NVL: variants seen among roughly 807,000 people sequenced by gnomAD.
NVL encodes the protein nuclear VCP like.
A neutral mutation model predicts 110.2 loss-of-function variants in NVL; 84 were observed. The ratio of observed to expected loss-of-function variants is 0.76; its 90% CI spans 0.64 to 0.91. The LOEUF is 0.91. Among genes scored for constraint, NVL ranks in the 40% least tolerant of loss-of-function variants. NVL has a pLI of 0.00. For missense variants in NVL, 882 were observed against 1,035.9 expected (o/e 0.85, Z 2.04); for synonymous variants, 354 against 361.1 (o/e 0.98, Z 0.22).
intron 6 of NVL, among the ~76,000 whole-genome samples, chr1:224,305,652 G>C (rs992244262): frequency 6.6e-6 from 1 of 152,174 alleles, no homozygotes; most frequent in Non-Finnish European, 1.5e-5. Context: ...CCACCTCCTA[G>C]GTTCAAACAA....
intron 18 of NVL, among the ~76,000 whole-genome samples, chr1:224,255,563 T>A (rs954411021): frequency 6.6e-6 from 1 of 152,174 alleles, no homozygotes; most frequent in African/African-American, 2.4e-5. Flanking sequence ...CTGTGGTTTA[T>A]CTTTATATTC....
chr1:224,284,364 C>T (rs1456938538), intron 15 of NVL, among the ~76,000 whole-genome samples: 1 of 151,402 alleles, frequency 6.6e-6, no homozygotes, highest in East Asian at 1.9e-4. Context: ...AATAAACATA[C>T]TTAAATAAAA....
intron 17 of NVL, chr1:224,269,747 C>CTTTT (rs1011066172): frequency 2.0e-5 from 3 of 148,812 alleles, no homozygotes; most frequent in South Asian, 4.4e-4. Flanking sequence ...TTCTTTCTTT[C>CTTTT]TTTTTTCTTT....
intron 2 of NVL, among the ~76,000 whole-genome samples, chr1:224,324,751 T>G (rs1670977345): frequency 6.6e-6 from 1 of 151,944 alleles, no homozygotes; most frequent in African/African-American, 2.4e-5. Context: ...GAGATGAGAG[T>G]TTGGACTTAA....
chr1:224,308,690 C>CAAAAA (rs544159510), intron 5 of NVL, among the ~76,000 whole-genome samples: 2 of 61,892 alleles, frequency 3.2e-5, no homozygotes, highest in Non-Finnish European at 6.9e-5. Context: ...GACTCCATCT[C>CAAAAA]AAAAAAAAAA....
intron 2 of NVL, among the ~76,000 whole-genome samples, chr1:224,325,428 T>A (rs1671052696): frequency 6.8e-6 from 1 of 146,686 alleles, no homozygotes; most frequent in Non-Finnish European, 1.5e-5. Flanking sequence ...AAATAAAAAC[T>A]GTATTTAAAA....
At chr1:224,321,011 G>A (rs917193522) in intron 2 of NVL, among the ~76,000 whole-genome samples, 5 of 152,178 alleles carry the variant, frequency 3.3e-5, no homozygotes, top group South Asian at 2.1e-4. Flanking sequence ...TAGCACTTTA[G>A]GAGGCTGAGG....
At position 224,311,741 on chromosome 1, in the gene NVL, G is replaced by C. The variant is rs367543736; in HGVS notation, c.342+59C>G. 6.3e-5 allele frequency: 81 copies of C among 1,290,048 alleles called. No individual in the cohort carries two copies. The African/African-American group carries it at 8.5e-4, about 14-fold the overall frequency. 79.9% of individuals were successfully genotyped at this position (1,290,048 alleles called of 1,614,324 possible). On this transcript the variant is annotated intron_variant, in intron 5 of 22. Transcript: ENST00000281701. ...AGCTAATACTGAGTTTTTCAAGGGAGGTACCATAACAACTAAAAAAGAAAA... is the reference window on the plus strand; with the variant it reads ...AGCTAATACTGAGTTTTTCAAGGGACGTACCATAACAACTAAAAAAGAAAA...
intron 22 of NVL, among the ~76,000 whole-genome samples, chr1:224,230,769 G>A (rs968933813): frequency 1.4e-4 from 21 of 152,134 alleles, no homozygotes; most frequent in African/African-American, 4.1e-4. Flanking sequence ...TATTTTGCTT[G>A]TTTTCAGATC....
intron 2 of NVL, among the ~76,000 whole-genome samples, chr1:224,320,919 A>T (rs1301205998): frequency 6.6e-6 from 1 of 152,198 alleles, no homozygotes; most frequent in African/African-American, 2.4e-5. Flanking sequence ...ACAAAGTTTT[A>T]GATGAGGCAA....
In NVL at chr1:224,275,243, C is replaced by T. The variant is rs993525303; in HGVS notation, c.2082+96G>A. The T allele has an allele frequency of 6.3e-6, 9 of 1,421,758 alleles. 1 individual carries two copies. Among genetic ancestry groups the T allele is most frequent in the South Asian group, 6.1e-5 (5 of 81,364 alleles). 88.1% of individuals were successfully genotyped at this position (1,421,758 alleles called of 1,614,324 possible). A position where few individuals can be genotyped will look rare whatever the true frequency, so the allele number is the denominator to read the frequency against. ...TGTCTTCATTAAGAGTCTCAATGCT[C>T]CCAAGGGATGACTTCATAAGAAATA... is the stretch of plus-strand genomic sequence containing the variant. On this transcript the variant is annotated intron_variant, in intron 17 of 22. Coordinates refer to ENST00000281701, the MANE Select transcript of NVL (RefSeq NM_002533.4).
rs1398583975 is a variant in NVL at position 224,295,835 on chromosome 1, A to G, written c.1180+666T>C. ...TCAAAAATCAGCCAGGTGTGGTGGC[A>G]CGCACCTGTAATCCCAGCTACTCAG... is the stretch of plus-strand genomic sequence containing the variant. On this transcript the variant is annotated intron_variant, in intron 11 of 22. Transcript: ENST00000281701. 2.0e-5 allele frequency among the ~76,000 whole-genome samples: 3 copies of G among 151,724 alleles called. No homozygotes were observed. The East Asian group carries it at 5.8e-4, about 29-fold the overall frequency.
chr1:224,276,955 GACACATAAAACTA>G (rs1665828705), intron 16 of NVL, among the ~76,000 whole-genome samples: 1 of 106,468 alleles, frequency 9.4e-6, no homozygotes, highest in South Asian at 3.1e-4. Flanking sequence ...CTAGTTTTAT[GACACATAAAACTA>G]GTTTTATGAC....
chr1:224,288,326 T>C (rs907169294), intron 13 of NVL, among the ~76,000 whole-genome samples: 3 of 152,182 alleles, frequency 2.0e-5, no homozygotes, highest in African/African-American at 7.2e-5. Context: ...TTATAAATAT[T>C]CAAGAAACAG....
At chr1:224,239,606 T>A (rs776071478) in intron 19 of NVL, among the ~76,000 whole-genome samples, 40 of 152,296 alleles carry the variant, frequency 2.6e-4, no homozygotes, top group Middle Eastern at 3.4e-3. Flanking sequence ...TCTCAAACTA[T>A]CCAGTGCCCT....
At position 224,233,225 on chromosome 1, in the gene NVL, T is replaced by A. The variant is rs1660099751; in HGVS notation, c.2431A>T (p.Arg811Ter). 1 of 1,613,110 alleles carries A rather than the reference T, an allele frequency of 6.2e-7. No individual in the cohort carries two copies. Among genetic ancestry groups the A allele is most frequent in the Admixed American group, 1.7e-5 (1 of 59,880 alleles). Residue 811 changes from arginine to a stop codon, truncating the protein, a stop_gained, in exon 21 of 23, where the codon AGA (arginine) becomes TGA (stop). Transcript: ENST00000281701. LOFTEE classifies it high-confidence loss of function. ...SICALRQEMA[R>*]QKSGNEKGEL... Reference sequence around the variant, plus strand: ...CCTTTTTCATTTCCACTCTTCTGTCTTGCCATTTCCTGTCTCAGGGCACAG... The same window carrying A: ...CCTTTTTCATTTCCACTCTTCTGTCATGCCATTTCCTGTCTCAGGGCACAG...
chr1:224,330,154 G>A lies in NVL; in HGVS notation c.-27C>T, dbSNP rs16846702. ...GCGTCGGTCTTCCAAGCCACAGCTC[G>A]GACCGCCAGCTCCTAGTCAACCGGG... On this transcript the variant is annotated 5_prime_UTR_variant, in exon 1 of 23. Coordinates refer to ENST00000281701, the MANE Select transcript of NVL (RefSeq NM_002533.4). 2.0e-5 allele frequency: 33 copies of A among 1,613,042 alleles called. No homozygotes were observed. The South Asian group carries it at 2.6e-4, about 13-fold the overall frequency.
chr1:224,307,671 C>T, intron 6 of NVL, among the ~76,000 whole-genome samples: 1 of 140,486 alleles, frequency 7.1e-6, no homozygotes, highest in Non-Finnish European at 1.5e-5. Flanking sequence ...TGCACTCCAG[C>T]CTCAGCGACA....
At chr1:224,288,539 A>C (rs1368730421) in intron 13 of NVL, among the ~76,000 whole-genome samples, 4 of 152,190 alleles carry the variant, frequency 2.6e-5, no homozygotes, top group African/African-American at 9.6e-5. Context: ...TTCAATTTAT[A>C]AAATATTAAT....
Sources: allele counts gnomAD v4.1 joint callset (sites outside exome capture counted in the v4.1 genomes callset), GRCh38; gene constraint gnomAD v4.1.1; transcripts MANE v1.5; gene names NCBI Gene and HGNC (gene_info 2026-07-23, HGNC 2026-07-21).